Variants in RSPH3 observed in about 807,000 individuals in gnomAD.
The protein encoded by RSPH3 is radial spoke head 3, also known as radial spoke head protein 3 homolog.
RSPH3 carries 21 observed loss-of-function variants against 43.8 expected under a neutral mutation model. The observed-to-expected ratio is 0.48, with a 90% CI of 0.34 to 0.69. RSPH3 has a LOEUF of 0.69. RSPH3 is among the 30% of genes least tolerant of loss of function. RSPH3 has a pLI of 0.01. For synonymous variants in RSPH3, 173 were observed against 179.8 expected, an observed-to-expected ratio of 0.96 and a Z score of 0.30; for missense variants, 487 against 516.0, an observed-to-expected ratio of 0.94 and a Z score of 0.54.
At chr6:158,970,107 A>T (rs1336387593), downstream of RSPH3, among the ~76,000 whole-genome samples, 1 of 151,626 alleles carries the variant, frequency 6.6e-6, no homozygotes, top group African/African-American at 2.4e-5. Flanking sequence ...AAAATTAAAC[A>T]CTTTAAATAA....
At chr6:158,966,239 A>C in the RSPH3 span, among the ~76,000 whole-genome samples, 2 of 152,122 alleles carry the variant, frequency 1.3e-5, no homozygotes, top group South Asian at 4.1e-4. Flanking sequence ...TCAGTTTGCT[A>C]GTATTTCACT....
At chr6:158,965,338 T>C in the RSPH3 span, among the ~76,000 whole-genome samples, 10 of 152,130 alleles carry the variant, frequency 6.6e-5, no homozygotes, top group Non-Finnish European at 1.5e-4. Context: ...GGGATTTTGA[T>C]TGGTATTGCA....
Position 158,978,321 on chromosome 6 carries a change from C to T in RSPH3, c.885G>A (p.Trp295Ter). The T allele has an allele frequency of 6.5e-7, 1 of 1,545,942 alleles. No individual in the cohort carries two copies. The highest frequency in any genetic ancestry group is 8.9e-7 in the Non-Finnish European group (1 of 1,120,616). The change falls in exon 7 of 8, where the codon TGG becomes TGA. Residue 295 changes from tryptophan to a stop codon, truncating the protein, a stop_gained. Transcript: ENST00000367069. LOFTEE classifies it high-confidence loss of function. Reference protein sequence around the residue: ...ERDIEIGFLPWLMNEVEKTME... With the variant: ...ERDIEIGFLP Reference sequence around the variant, plus strand: ...TGGTTTTTTCAACTTCATTCATTAGCCATGGAAGAAATCCTATCTCAATAT... The same window carrying T: ...TGGTTTTTTCAACTTCATTCATTAGTCATGGAAGAAATCCTATCTCAATAT...
chr6:158,984,574 A>G (rs75176374), intron 3 of RSPH3, among the ~76,000 whole-genome samples: 2,703 of 150,802 alleles, frequency 0.018, 34 homozygotes, highest in Middle Eastern at 0.024. Context: ...TTCCCTCTAC[A>G]CTACAGATTA....
At chr6:158,980,522 T>G (rs1359088764) in intron 6 of RSPH3, among the ~76,000 whole-genome samples, 1 of 152,174 alleles carries the variant, frequency 6.6e-6, no homozygotes, top group Non-Finnish European at 1.5e-5. Flanking sequence ...ACTCAAGTTT[T>G]CAATACCAAG....
rs746717035 is a variant in RSPH3 at position 158,980,804 on chromosome 6, T to C, written c.829A>G (p.Ser277Gly). The change falls in exon 6 of 8, where the codon AGT becomes GGT. Residue 277 changes from serine (S) to glycine (G), a missense_variant. Transcript: ENST00000367069. ...LPSVFGSLRD[S>G]GYFYDPIERD... The stretch of plus-strand genomic sequence containing the variant: ...TCAATGGGATCATAAAAGTAGCCAC[T>C]ATCCCTGAGGCTGCCAAAAACAGAC... 19 of 1,613,914 alleles carry C rather than the reference T, an allele frequency of 1.2e-5. No homozygotes were observed. The highest frequency in any genetic ancestry group is 1.5e-5 in the Non-Finnish European group (18 of 1,179,910).
chr6:158,978,136 T>C, intron 7 of RSPH3, 124 bp downstream of exon 7: 1 of 683,196 alleles, frequency 1.5e-6, no homozygotes, highest in South Asian at 1.8e-5. Context: ...TGCACTTTTA[T>C]TAATACAATT....
chr6:158,981,066 T>C (rs1371683694), intron 5 of RSPH3, 130 bp from the exon 6 acceptor site: 2 of 758,742 alleles, frequency 2.6e-6, no homozygotes, highest in East Asian at 5.0e-5. Context: ...CTATTAAAGG[T>C]TCATATTTTT....
At position 158,976,523 on chromosome 6, in the gene RSPH3, C is replaced by A. The variant is rs1420693610; in HGVS notation, c.*1015G>T. ...ATAAAGAAAATCAAGCTATATATTT[C>A]TAGATTTTCAAATACATTTGTATAG... On this transcript the variant is annotated 3_prime_UTR_variant, in exon 8 of 8. Transcript: ENST00000367069. 6.6e-6 allele frequency: 1 copy of A among 152,018 alleles called. No individual in the cohort carries two copies. Among genetic ancestry groups the A allele is most frequent in the Non-Finnish European group, 1.5e-5 (1 of 68,022 alleles). The allele number at this position is 152,018 out of a possible 1,614,324, so 9.4% of individuals were successfully genotyped here. A position where few individuals can be genotyped will look rare whatever the true frequency, so the allele number is the denominator to read the frequency against.
At chr6:158,986,490 C>A in intron 2 of RSPH3, 69 bp from the exon 3 acceptor site, 2 of 1,301,474 alleles carry the variant, frequency 1.5e-6, no homozygotes, top group Non-Finnish European at 2.1e-6. Context: ...ACTGCCATTC[C>A]AAAAGCAATT....
chr6:158,991,797 A>G (rs1462741757), intron 2 of RSPH3, among the ~76,000 whole-genome samples: 2 of 152,210 alleles, frequency 1.3e-5, no homozygotes, highest in African/African-American at 4.8e-5. Flanking sequence ...GTGTATATAC[A>G]TACATACATA....
chr6:158,978,604 G>A (rs570059948), intron 6 of RSPH3, among the ~76,000 whole-genome samples: 7 of 152,038 alleles, frequency 4.6e-5, no homozygotes, highest in East Asian at 3.9e-4. Context: ...GCGGTGGCGC[G>A]ATCTCTGCTC....
At chr6:158,991,940 A>G (rs983863749) in intron 2 of RSPH3, among the ~76,000 whole-genome samples, 2 of 151,984 alleles carry the variant, frequency 1.3e-5, no homozygotes, top group Non-Finnish European at 2.9e-5. Flanking sequence ...TCATACAACC[A>G]TTCTATTTTT....
chr6:158,981,078 A>G, intron 5 of RSPH3, 142 bp from the exon 6 acceptor site: 2 of 724,242 alleles, frequency 2.8e-6, no homozygotes, highest in African/African-American at 1.7e-5. Flanking sequence ...CATATTTTTC[A>G]TCAAAAATTT....
chr6:158,968,151 T>C (rs1777651197), downstream of RSPH3, among the ~76,000 whole-genome samples: 1 of 152,204 alleles, frequency 6.6e-6, no homozygotes, highest in Non-Finnish European at 1.5e-5. Context: ...TTTTGTACCT[T>C]TATTCCTCCA....
At chr6:158,986,058 T>C (rs942410433) in intron 3 of RSPH3, among the ~76,000 whole-genome samples, 1 of 152,122 alleles carries the variant, frequency 6.6e-6, no homozygotes, top group Non-Finnish European at 1.5e-5. Flanking sequence ...TCAGGCGATC[T>C]GTCCGCCTCA....
chr6:158,977,706 C>G lies in RSPH3; in HGVS notation c.1089G>C (p.Gln363His). 3 of 1,614,178 alleles carry G rather than the reference C, an allele frequency of 1.9e-6. No homozygotes were observed. The highest frequency in any genetic ancestry group is 2.5e-6 in the Non-Finnish European group (3 of 1,180,022). The change falls in exon 8 of 8, where the codon CAG becomes CAC. Residue 363 changes from glutamine (Q) to histidine (H), a missense_variant. Physicochemically the swap from Gln to His is conservative, Grantham distance 24. Coordinates refer to ENST00000367069, the MANE Select transcript of RSPH3 (RefSeq NM_031924.8). ...GCAGCTCCCGTGTCTGTGACATGCT[C>G]TGCTCCAGGAATTCAGAGGCCTCCA... ...ESLEASEFLE[Q>H]SMSQTRELLL...
downstream of RSPH3, among the ~76,000 whole-genome samples, chr6:158,971,679 T>G (rs1309841129): frequency 6.6e-6 from 1 of 152,214 alleles, no homozygotes; most frequent in Non-Finnish European, 1.5e-5. Flanking sequence ...TAGCAACATG[T>G]TAAGATAGGC....
At chr6:158,985,877 G>A (rs113512146) in intron 3 of RSPH3, among the ~76,000 whole-genome samples, 2,619 of 148,900 alleles carry the variant, frequency 0.018, 31 homozygotes, top group Non-Finnish European at 0.023. Flanking sequence ...GCAATGGTGC[G>A]ATCTCGGCTT....
Sources: allele counts gnomAD v4.1 joint callset (sites outside exome capture counted in the v4.1 genomes callset), GRCh38; gene constraint gnomAD v4.1.1; transcripts MANE v1.5; gene names NCBI Gene and HGNC (gene_info 2026-07-23, HGNC 2026-07-21).